Variants in GNG12 observed in about 807,000 individuals in gnomAD.
The protein encoded by GNG12 is G protein subunit gamma 12.
For missense variants in GNG12, 69 were observed against 83.8 expected, an observed-to-expected ratio of 0.82 and a Z score of 0.69; for synonymous variants, 28 against 29.7, an observed-to-expected ratio of 0.94 and a Z score of 0.19.
At chr1:67,788,067 C>A (rs1468005998) in intron 1 of GNG12, among the ~76,000 whole-genome samples, 1 of 152,200 alleles carries the variant, frequency 6.6e-6, no homozygotes, top group Non-Finnish European at 1.5e-5. Flanking sequence ...CCTCCCCAAG[C>A]TAACTTGAAT....
At chr1:67,736,714 G>C (rs1646454625) in intron 2 of GNG12, among the ~76,000 whole-genome samples, 1 of 152,192 alleles carries the variant, frequency 6.6e-6, no homozygotes, top group Non-Finnish European at 1.5e-5. Flanking sequence ...AGAACCGTCT[G>C]GATCCAGGAA....
intron 1 of GNG12, among the ~76,000 whole-genome samples, chr1:67,807,786 C>G (rs917860546): frequency 1.3e-5 from 2 of 151,972 alleles, no homozygotes; most frequent in African/African-American, 4.8e-5. Flanking sequence ...TCTCAAAAGG[C>G]CTATTTATAT....
At chr1:67,751,317 G>C (rs1188867420) in intron 2 of GNG12, among the ~76,000 whole-genome samples, 1 of 152,206 alleles carries the variant, frequency 6.6e-6, no homozygotes, top group African/African-American at 2.4e-5. Context: ...AGCTATAGTT[G>C]TTCAACAGAG....
intron 2 of GNG12, among the ~76,000 whole-genome samples, chr1:67,716,559 G>GATC (rs1646327052): frequency 6.6e-6 from 1 of 152,128 alleles, no homozygotes; most frequent in Non-Finnish European, 1.5e-5. Flanking sequence ...TCTTGCCCAA[G>GATC]ATCACACAGA....
chr1:67,818,217 G>A (rs1256488280), intron 1 of GNG12, among the ~76,000 whole-genome samples: 4 of 152,162 alleles, frequency 2.6e-5, no homozygotes, highest in Non-Finnish European at 5.9e-5. Context: ...TCATCCTTAT[G>A]TCCCCAGAGT....
chr1:67,822,933 G>A (rs942556845), intron 1 of GNG12, among the ~76,000 whole-genome samples: 3 of 152,094 alleles, frequency 2.0e-5, no homozygotes, highest in African/African-American at 7.2e-5. Flanking sequence ...GACTGAAAGA[G>A]CACTTCAAAA....
At chr1:67,744,551 C>T (rs906376888) in intron 2 of GNG12, among the ~76,000 whole-genome samples, 15 of 152,198 alleles carry the variant, frequency 9.9e-5, no homozygotes, top group South Asian at 6.2e-4. Context: ...AGAGGGCCCA[C>T]GTCTTAGTGC....
intron 1 of GNG12, among the ~76,000 whole-genome samples, chr1:67,808,620 A>T (rs1646906687): frequency 6.6e-6 from 1 of 152,176 alleles, no homozygotes; most frequent in African/African-American, 2.4e-5. Context: ...TACAAGGTTA[A>T]CACAGAAAAG....
intron 1 of GNG12, among the ~76,000 whole-genome samples, chr1:67,805,293 A>G (rs1646888780): frequency 6.6e-6 from 1 of 152,210 alleles, no homozygotes; most frequent in South Asian, 2.1e-4. Context: ...CCTTTCATTC[A>G]AATTACAAGG....
chr1:67,705,582 A>G lies in GNG12; in HGVS notation c.94-6T>C, dbSNP rs991298660. 1 of 1,600,396 alleles carries G rather than the reference A, an allele frequency of 6.2e-7. No individual in the cohort carries two copies. Among genetic ancestry groups the G allele is most frequent in the East Asian group, 2.2e-5 (1 of 44,690 alleles). On this transcript the variant is annotated splice_polypyrimidine_tract_variant and splice_region_variant and intron_variant, in intron 3 of 3. Coordinates refer to ENST00000370982, the MANE Select transcript of GNG12 (RefSeq NM_018841.6). Reference sequence around the variant, plus strand: ...TCCGCTGATGCCTTCGAAACCTGACATGGAGATAAATCAAACAAACAAGAA... The same window carrying G: ...TCCGCTGATGCCTTCGAAACCTGACGTGGAGATAAATCAAACAAACAAGAA...
chr1:67,833,416 C>T lies in GNG12; in HGVS notation c.-149G>A, dbSNP rs1647065130. 1 of 985,362 alleles carries T rather than the reference C, an allele frequency of 1.0e-6. No homozygotes were observed. Among genetic ancestry groups the T allele is most frequent in the Non-Finnish European group, 1.2e-6 (1 of 830,190 alleles). The allele number at this position is 985,362 out of a possible 1,614,324, so 61.0% of individuals were successfully genotyped here. A position where few individuals can be genotyped will look rare whatever the true frequency, so the allele number is the denominator to read the frequency against. The stretch of plus-strand genomic sequence containing the variant: ...TAAGGGCTCCTGGAGACGGCTCCGA[C>T]CTCTCCTCCTCCTCCTCCTCTTGCT... On this transcript the variant is annotated 5_prime_UTR_variant, in exon 1 of 4. Coordinates refer to ENST00000370982, the MANE Select transcript of GNG12 (RefSeq NM_018841.6).
intron 2 of GNG12, among the ~76,000 whole-genome samples, chr1:67,743,935 GA>G (rs1219040094): frequency 6.6e-6 from 1 of 152,166 alleles, no homozygotes; most frequent in African/African-American, 2.4e-5. Flanking sequence ...GTGAAGTGCT[GA>G]AAACGGTTAG....
chr1:67,801,777 T>C (rs1646867030), intron 1 of GNG12, among the ~76,000 whole-genome samples: 1 of 152,178 alleles, frequency 6.6e-6, no homozygotes, highest in Admixed American at 6.5e-5. Context: ...GATTATTACG[T>C]TCCGTATCTG....
At chr1:67,747,698 C>G (rs1646515297) in intron 2 of GNG12, among the ~76,000 whole-genome samples, 1 of 152,186 alleles carries the variant, frequency 6.6e-6, no homozygotes, top group Non-Finnish European at 1.5e-5. Context: ...CCTAAAAAGT[C>G]TGATTTTACA....
chr1:67,753,031 A>G (rs1353014646), intron 2 of GNG12, among the ~76,000 whole-genome samples: 1 of 152,176 alleles, frequency 6.6e-6, no homozygotes, highest in Non-Finnish European at 1.5e-5. Flanking sequence ...TCACTTTGTC[A>G]TACTACAATG....
At chr1:67,803,331 T>G (rs978008999) in intron 1 of GNG12, among the ~76,000 whole-genome samples, 4 of 152,118 alleles carry the variant, frequency 2.6e-5, no homozygotes, top group African/African-American at 9.7e-5. Flanking sequence ...CTAGACAACA[T>G]AGTGAGACCT....
chr1:67,770,648 G>A (rs74350440), intron 2 of GNG12, among the ~76,000 whole-genome samples: 2,475 of 152,154 alleles, frequency 0.016, 79 homozygotes, highest in African/African-American at 0.057. Context: ...CCCAAATCCC[G>A]GGGGGCCCAG....
chr1:67,776,340 G>T (rs1381368662), intron 2 of GNG12, among the ~76,000 whole-genome samples: 3 of 152,128 alleles, frequency 2.0e-5, no homozygotes, highest in African/African-American at 7.2e-5. Context: ...CACTATAGCA[G>T]ATTGCCAAAA....
intron 2 of GNG12, among the ~76,000 whole-genome samples, chr1:67,771,697 C>A (rs111888002): frequency 3.3e-5 from 5 of 152,240 alleles, no homozygotes; most frequent in Admixed American, 3.3e-4. Context: ...CAGACACAGG[C>A]GACAGGAAAA....
Sources: gnomAD v4.1 joint callset for allele counts (sites outside exome capture counted in the v4.1 genomes callset) on GRCh38, gnomAD v4.1.1 for gene constraint, MANE v1.5 for transcripts, NCBI Gene and HGNC (gene_info 2026-07-23, HGNC 2026-07-21) for gene names.